Variants in ATAD2B observed in about 807,000 individuals in gnomAD.
ATAD2B encodes ATPase family AAA domain containing 2B.
A neutral mutation model predicts 167.6 loss-of-function variants in ATAD2B; 40 were observed. The observed-to-expected ratio is 0.24, with a 90% CI of 0.19 to 0.31. The LOEUF is 0.31. Ranked by LOEUF, ATAD2B falls within the 10% of genes least tolerant of loss-of-function variation. ATAD2B has a pLI of 1.00. For synonymous variants in ATAD2B, 579 were observed against 596.5 expected (o/e 0.97, Z 0.43); for missense variants, 1,242 against 1,757.2 (o/e 0.71, Z 5.24).
Position 23,792,574 on chromosome 2 carries a change from AAAAT to A in ATAD2B, c.2641-3931_2641-3928del, listed in dbSNP as rs1681925871. Among the ~76,000 whole-genome samples the A allele has an allele frequency of 2.6e-5, 4 of 152,292 alleles. No individual in the cohort carries two copies. In the South Asian group the frequency reaches 8.3e-4, roughly 32 times the overall value. ...AAATAAAATTTGCTTTGCTCAAAAC[AAAAT>A]AGGATATCAACCCATTAAATAAAAA... On this transcript the variant is annotated intron_variant, in intron 19 of 27. Transcript: ENST00000238789.
intron 13 of ATAD2B, among the ~76,000 whole-genome samples, chr2:23,845,052 T>C (rs188382270): frequency 2.6e-5 from 4 of 151,622 alleles, no homozygotes; most frequent in African/African-American, 2.4e-5. Flanking sequence ...GCAATACAAA[T>C]GAGAAGAAGA....
rs1675277589 is a variant in ATAD2B at position 23,750,893 on chromosome 2, T to C, written c.*1153A>G. The C allele has an allele frequency of 6.6e-6, 1 of 152,108 alleles. No individual in the cohort carries two copies. Among genetic ancestry groups the C allele is most frequent in the African/African-American group, 2.4e-5 (1 of 41,426 alleles). The allele number at this position is 152,108 out of a possible 1,614,324, so 9.4% of individuals were successfully genotyped here. On this transcript the variant is annotated 3_prime_UTR_variant, in exon 28 of 28. Transcript: ENST00000238789. ...GAGTTGTGAAGGTAAGCTTAGGAGATGGGATTTAAACATTAATACTGTTAT... is the reference window on the plus strand; with the variant it reads ...GAGTTGTGAAGGTAAGCTTAGGAGACGGGATTTAAACATTAATACTGTTAT...
At chr2:23,710,838 C>A in the ATAD2B span, among the ~76,000 whole-genome samples, 1 of 152,132 alleles carries the variant, frequency 6.6e-6, no homozygotes, top group South Asian at 2.1e-4. Flanking sequence ...AATACAAACC[C>A]CTTTAATATC....
chr2:23,926,708 A>G lies in ATAD2B; in HGVS notation c.63T>C (p.Pro21=). 6.5e-7 allele frequency: 1 copy of G among 1,550,152 alleles called. No individual in the cohort carries two copies. The highest frequency in any genetic ancestry group is 8.7e-7 in the Non-Finnish European group (1 of 1,147,182). ...LLGSKSPGPG[P]GPGAGAEPGA... Reference sequence around the variant, plus strand: ...CAGGCTCTGCTCCGGCCCCAGGCCCAGGCCCGGGACCAGGAGACTTGGACC... The same window carrying G: ...CAGGCTCTGCTCCGGCCCCAGGCCCGGGCCCGGGACCAGGAGACTTGGACC... Residue 21 remains proline, a synonymous_variant, in exon 1 of 28, where the codon CCT becomes CCC. Transcript: ENST00000238789.
intron 1 of ATAD2B, 134 bp downstream of exon 1, chr2:23,926,421 G>A: frequency 7.1e-7 from 1 of 1,412,108 alleles, no homozygotes; most frequent in Non-Finnish European, 9.2e-7. Context: ...ACCCTCCACC[G>A]CGCCCGCAGA....
chr2:23,807,623 T>C (rs927446261), intron 18 of ATAD2B, among the ~76,000 whole-genome samples: 1 of 151,778 alleles, frequency 6.6e-6, no homozygotes, highest in Non-Finnish European at 1.5e-5. Flanking sequence ...AAGGCCATCC[T>C]GGCTAACATG....
the ATAD2B span, among the ~76,000 whole-genome samples, chr2:23,701,840 G>A: frequency 8.0e-6 from 1 of 125,322 alleles, no homozygotes; most frequent in Non-Finnish European, 1.6e-5. Flanking sequence ...TTTGCTCGTT[G>A]CCCAGGCTGG....
chr2:23,842,657 A>G (rs776421014), intron 13 of ATAD2B, among the ~76,000 whole-genome samples: 1 of 152,160 alleles, frequency 6.6e-6, no homozygotes, highest in Non-Finnish European at 1.5e-5. Context: ...AAGAGAAGGT[A>G]GGAAGTTATT....
At chr2:23,728,479 CG>C in the ATAD2B span, among the ~76,000 whole-genome samples, 3 of 151,196 alleles carry the variant, frequency 2.0e-5, no homozygotes, top group African/African-American at 4.9e-5. Context: ...TTACATACTA[CG>C]AAAAAAAGTC....
chr2:23,811,990 A>G (rs1685669872), intron 17 of ATAD2B, among the ~76,000 whole-genome samples: 1 of 152,118 alleles, frequency 6.6e-6, no homozygotes, highest in African/African-American at 2.4e-5. Context: ...ACCAAACTTG[A>G]CTTGTAATTT....
intron 12 of ATAD2B, among the ~76,000 whole-genome samples, chr2:23,859,786 A>C (rs1423067936): frequency 1.3e-5 from 2 of 151,648 alleles, no homozygotes; most frequent in African/African-American, 4.9e-5. Context: ...CGTCTCTACT[A>C]AAAACACAAA....
chr2:23,894,849 T>A (rs577176094), intron 2 of ATAD2B, among the ~76,000 whole-genome samples: 1 of 152,302 alleles, frequency 6.6e-6, no homozygotes, highest in Non-Finnish European at 1.5e-5. Context: ...TAGCCCCATA[T>A]AATGCAAATT....
the ATAD2B span, among the ~76,000 whole-genome samples, chr2:23,742,910 A>G: frequency 1.3e-5 from 2 of 152,282 alleles, no homozygotes; most frequent in Non-Finnish European, 2.9e-5. Flanking sequence ...TTTCCAGAGT[A>G]GAGAGGCCTA....
chr2:23,745,161 C>T (rs1674762691), downstream of ATAD2B, among the ~76,000 whole-genome samples: 1 of 151,980 alleles, frequency 6.6e-6, no homozygotes, highest in Non-Finnish European at 1.5e-5. Flanking sequence ...GTGGCACATG[C>T]CTCTAATCCC....
At chr2:23,899,918 CTTTTTT>C (rs34685891) in intron 1 of ATAD2B, among the ~76,000 whole-genome samples, 1 of 83,602 alleles carries the variant, frequency 1.2e-5, no homozygotes, top group African/African-American at 4.5e-5. Context: ...AGTTTTCTTA[CTTTTTT>C]TTTTTTTTTT....
intron 1 of ATAD2B, among the ~76,000 whole-genome samples, chr2:23,922,256 T>TC (rs143965802): frequency 0.026 from 3,908 of 151,982 alleles, 171 homozygotes; most frequent in African/African-American, 0.09. Flanking sequence ...TGCTGTACAG[T>TC]TTTGTGAATA....
intron 4 of ATAD2B, among the ~76,000 whole-genome samples, chr2:23,886,334 T>C (rs1558733926): frequency 1.3e-5 from 2 of 152,262 alleles, no homozygotes; most frequent in South Asian, 2.1e-4. Context: ...TACCTTAATA[T>C]ATACATTAAA....
At chr2:23,774,542 T>C (rs1295916884) in intron 22 of ATAD2B, among the ~76,000 whole-genome samples, 1 of 152,234 alleles carries the variant, frequency 6.6e-6, no homozygotes, top group Non-Finnish European at 1.5e-5. Context: ...TGCATATTTC[T>C]ACAGAATGTT....
the ATAD2B span, chr2:23,697,039 C>CAGAG: frequency 6.4e-6 from 1 of 155,240 alleles, no homozygotes; most frequent in Non-Finnish European, 1.4e-5. Flanking sequence ...GTTCGTAATA[C>CAGAG]AGAGAAAGGC....
Sources: gnomAD v4.1 joint callset for allele counts (sites outside exome capture counted in the v4.1 genomes callset) on GRCh38, gnomAD v4.1.1 for gene constraint, MANE v1.5 for transcripts, NCBI Gene and HGNC (gene_info 2026-07-23, HGNC 2026-07-21) for gene names.